The following SGCD variants were observed in gnomAD, a reference collection of about 807,000 sequenced individuals.
SGCD encodes the protein sarcoglycan delta, also known as delta-sarcoglycan.
A neutral mutation model predicts 36.6 loss-of-function variants in SGCD; 18 were observed. That is an observed-to-expected ratio of 0.49 (90% CI 0.34 to 0.73). The LOEUF is 0.73. Among genes scored for constraint, SGCD ranks in the 30% least tolerant of loss-of-function variants. The probability of loss-of-function intolerance (pLI) is 0.01; values close to 1 mark genes in which losing one functional copy is unlikely to be tolerated. For missense variants in SGCD, 387 were observed against 346.7 expected (o/e 1.12, Z -0.92); for synonymous variants, 133 against 130.6 (o/e 1.02, Z -0.12).
intron 6 of SGCD, among the ~76,000 whole-genome samples, chr5:156,627,136 G>A (rs1762468309): frequency 6.6e-6 from 1 of 152,168 alleles, no homozygotes; most frequent in South Asian, 2.1e-4. Context: ...ATCTCTAAAA[G>A]TTCTTTGCTC....
intron 3 of SGCD, among the ~76,000 whole-genome samples, chr5:156,275,749 C>T (rs1766303626): frequency 6.6e-6 from 1 of 152,146 alleles, no homozygotes; most frequent in African/African-American, 2.4e-5. Flanking sequence ...TACACCTACT[C>T]TTACTTATGT....
intron 4 of SGCD, among the ~76,000 whole-genome samples, chr5:156,561,056 A>G (rs1016062396): frequency 1.3e-5 from 2 of 151,358 alleles, no homozygotes; most frequent in Non-Finnish European, 1.5e-5. Context: ...AAGGGGAAAA[A>G]AATGCACAGA....
At chr5:156,184,619 C>T (rs1434075989) in intron 3 of SGCD, among the ~76,000 whole-genome samples, 3 of 152,020 alleles carry the variant, frequency 2.0e-5, no homozygotes, top group Non-Finnish European at 4.4e-5. Flanking sequence ...TAATGAGGCA[C>T]AATTGATTCA....
intron 2 of SGCD, among the ~76,000 whole-genome samples, chr5:156,335,720 G>A (rs1768316023): frequency 6.6e-6 from 1 of 152,066 alleles, no homozygotes; most frequent in African/African-American, 2.4e-5. Flanking sequence ...TTGTGCAACT[G>A]GCTGCTTATG....
At chr5:155,864,941 A>G in the SGCD span, among the ~76,000 whole-genome samples, 4 of 152,308 alleles carry the variant, frequency 2.6e-5, no homozygotes, top group Non-Finnish European at 4.4e-5. Context: ...TATGCTGGGC[A>G]TTTTACATAA....
At chr5:155,963,272 A>C (rs947484743) in intron 1 of SGCD, among the ~76,000 whole-genome samples, 2 of 152,114 alleles carry the variant, frequency 1.3e-5, no homozygotes, top group African/African-American at 4.8e-5. Context: ...TATTCCACAC[A>C]CTGGCAGCAT....
chr5:156,715,709 G>A (rs1157433614), intron 7 of SGCD, among the ~76,000 whole-genome samples: 2 of 152,086 alleles, frequency 1.3e-5, no homozygotes, highest in Non-Finnish European at 2.9e-5. Context: ...AACCTGCCTG[G>A]GCCTCAATTT....
chr5:156,290,658 A>AT (rs1766735328), intron 3 of SGCD, among the ~76,000 whole-genome samples: 1 of 152,134 alleles, frequency 6.6e-6, no homozygotes, highest in Non-Finnish European at 1.5e-5. Context: ...TAAATGTTAG[A>AT]TTTTACATAA....
the SGCD span, among the ~76,000 whole-genome samples, chr5:155,803,553 G>A: frequency 1.3e-5 from 2 of 152,198 alleles, no homozygotes; most frequent in Admixed American, 6.5e-5. Flanking sequence ...GAGCCTGGGA[G>A]ATGTAACTCT....
chr5:156,472,034 G>T (rs200700359), intron 3 of SGCD, among the ~76,000 whole-genome samples: 1 of 152,094 alleles, frequency 6.6e-6, no homozygotes, highest in Non-Finnish European at 1.5e-5. Flanking sequence ...ACTCATTAGG[G>T]TTATTCAAAT....
At chr5:155,753,779 T>C in the SGCD span, among the ~76,000 whole-genome samples, 5 of 152,150 alleles carry the variant, frequency 3.3e-5, no homozygotes, top group Non-Finnish European at 5.9e-5. Context: ...CAGGTGTGCC[T>C]CTATGTGTAG....
At position 156,619,839 on chromosome 5, in the gene SGCD, C is replaced by A. The variant is rs578085175; in HGVS notation, c.502+24788C>A. ...AAAGAGTACTAAAAATATTCTCTTA[C>A]GCTCCTTATGCTTCACCTCCTTGCT... On this transcript the variant is annotated intron_variant, in intron 6 of 8. Transcript: ENST00000337851. Among the ~76,000 whole-genome samples the A allele has an allele frequency of 5.3e-5, 8 of 152,328 alleles. No homozygotes were observed. The East Asian group carries it at 1.4e-3, about 26-fold the overall frequency.
chr5:156,093,101 C>T (rs1761285908), intron 1 of SGCD, among the ~76,000 whole-genome samples: 1 of 152,202 alleles, frequency 6.6e-6, no homozygotes, highest in South Asian at 2.1e-4. Flanking sequence ...CCATTATTTG[C>T]CTGTGTCCTC....
At chr5:156,406,821 C>T (rs111800196) in intron 3 of SGCD, among the ~76,000 whole-genome samples, 43,578 of 72,436 alleles carry the variant, frequency 0.6, 12,628 homozygotes, top group Non-Finnish European at 0.65. Context: ...TATATATATA[C>T]ACACACACAC....
intron 7 of SGCD, among the ~76,000 whole-genome samples, chr5:156,675,791 T>C (rs1753483956): frequency 6.6e-6 from 1 of 152,196 alleles, no homozygotes; most frequent in Admixed American, 6.5e-5. Context: ...TGAAAAAGAA[T>C]AGAATTTAAA....
chr5:156,242,740 C>G (rs1367030799), intron 3 of SGCD, among the ~76,000 whole-genome samples: 3 of 152,168 alleles, frequency 2.0e-5, no homozygotes, highest in Non-Finnish European at 4.4e-5. Flanking sequence ...CTGCCCCATG[C>G]AGGGTGCCAG....
chr5:155,905,761 G>C (rs1260331432), intron 1 of SGCD, among the ~76,000 whole-genome samples: 1 of 151,928 alleles, frequency 6.6e-6, no homozygotes, highest in Non-Finnish European at 1.5e-5. Flanking sequence ...AGATCTGATG[G>C]GTTTATCAGG....
At chr5:155,865,271 ATT>A in the SGCD span, among the ~76,000 whole-genome samples, 1 of 151,926 alleles carries the variant, frequency 6.6e-6, no homozygotes, top group African/African-American at 2.4e-5. Flanking sequence ...TAATTTATAC[ATT>A]TTTTTAAATG....
intron 3 of SGCD, among the ~76,000 whole-genome samples, chr5:156,220,208 T>C (rs1021050541): frequency 1.4e-4 from 21 of 152,284 alleles, no homozygotes; most frequent in Non-Finnish European, 2.4e-4. Context: ...AAGTGCTACC[T>C]TTATTAATAT....
Sources: gnomAD v4.1 joint callset for allele counts (sites outside exome capture counted in the v4.1 genomes callset) on GRCh38, gnomAD v4.1.1 for gene constraint, MANE v1.5 for transcripts, NCBI Gene and HGNC (gene_info 2026-07-23, HGNC 2026-07-21) for gene names.